ACOT1: variants seen among roughly 807,000 people sequenced by gnomAD.
ACOT1 encodes acyl-coenzyme A thioesterase 1.
ACOT1 carries 8 observed loss-of-function variants against 15.7 expected under a neutral mutation model. That is an observed-to-expected ratio of 0.51 (90% CI 0.30 to 0.92). The LOEUF is 0.92. Among genes scored for constraint, ACOT1 ranks in the 40% least tolerant of loss-of-function variants. The pLI is 0.06. For synonymous variants in ACOT1, 67 were observed against 241.2 expected, an observed-to-expected ratio of 0.28 and a Z score of 6.69; for missense variants, 151 against 539.4, an observed-to-expected ratio of 0.28 and a Z score of 7.13.
Position 73,537,643 on chromosome 14 carries a change from G to A in ACOT1, c.222G>A (p.Gly74=). ...RAPALGGSFA[G]LEPMGLLWAL... is the part of the protein sequence containing the mutation. ...CCGCGCTGGGCGGCAGCTTCGCGGG[G>A]CTTGAGCCCATGGGGCTGCTCTGGG... Residue 74 remains glycine, a synonymous_variant, in exon 1 of 3, where the codon GGG becomes GGA. Coordinates refer to ENST00000311148, the MANE Select transcript of ACOT1 (RefSeq NM_001037161.2). 3.2e-6 allele frequency: 4 copies of A among 1,231,122 alleles called. 1 individual carries two copies. Among genetic ancestry groups the A allele is most frequent in the South Asian group, 1.4e-5 (1 of 71,074 alleles). 76.3% of individuals were successfully genotyped at this position (1,231,122 alleles called of 1,614,324 possible).
the ACOT1 span, chr14:73,498,219 C>G: frequency 6.2e-7 from 1 of 1,614,074 alleles, no homozygotes; most frequent in Admixed American, 1.7e-5. Flanking sequence ...ACCCGGTCCC[C>G]TTGAAGTTTC....
At chr14:73,496,516 A>T in the ACOT1 span, 31 of 778,060 alleles carry the variant, frequency 4.0e-5, no homozygotes, top group East Asian at 7.4e-5. Flanking sequence ...GAAAAAGGGT[A>T]TGTACATGTT....
the ACOT1 span, among the ~76,000 whole-genome samples, chr14:73,506,768 A>G: frequency 6.8e-6 from 1 of 146,144 alleles, no homozygotes; most frequent in Non-Finnish European, 1.5e-5. Context: ...AATAACTTAA[A>G]CAGAAAACTG....
chr14:73,523,034 C>T, the ACOT1 span: 3 of 1,614,204 alleles, frequency 1.9e-6, no homozygotes, highest in Admixed American at 5.0e-5. Context: ...GACAGAGGCA[C>T]ACTCCTCCTT....
chr14:73,509,281 T>C, the ACOT1 span: 1 of 1,605,142 alleles, frequency 6.2e-7, no homozygotes, highest in East Asian at 2.2e-5. Flanking sequence ...ATCCCATATT[T>C]CCAGGTCAGA....
At chr14:73,509,481 C>G in the ACOT1 span, 4 of 1,613,314 alleles carry the variant, frequency 2.5e-6, no homozygotes, top group Non-Finnish European at 2.5e-6. Flanking sequence ...TGTCTGTGAT[C>G]AAAAGAGCCA....
the ACOT1 span, chr14:73,492,999 C>CCT: frequency 2.1e-6 from 3 of 1,460,630 alleles, no homozygotes; most frequent in African/African-American, 1.5e-5. The surrounding 1 kb of genome is among the most constrained non-coding windows in gnomAD (Gnocchi z 4.9). Flanking sequence ...CCACTGCTAC[C>CCT]TTTTTTTTTT....
At chr14:73,519,260 G>T in the ACOT1 span, 3 of 1,297,596 alleles carry the variant, frequency 2.3e-6, no homozygotes, top group Non-Finnish European at 3.2e-6. Context: ...ACTTCCTTTT[G>T]CCCTAATCTA....
chr14:73,512,089 TC>T, the ACOT1 span: 1 of 1,614,174 alleles, frequency 6.2e-7, no homozygotes, highest in African/African-American at 1.3e-5. Flanking sequence ...CCGAACGTCA[TC>T]ATGCAGGTCT....
chr14:73,493,246 G>A, the ACOT1 span: 13 of 775,158 alleles, frequency 1.7e-5, no homozygotes, highest in South Asian at 1.2e-4. Context: ...TGACCATGTC[G>A]TTCTGCTTGA....
upstream of ACOT1, among the ~76,000 whole-genome samples, chr14:73,534,942 C>T (rs1425613926): frequency 3.3e-4 from 37 of 112,006 alleles, 11 homozygotes; most frequent in African/African-American, 1.1e-3. Context: ...CCACTGCATT[C>T]AGCTACTGGG....
chr14:73,528,279 C>T, the ACOT1 span, among the ~76,000 whole-genome samples: 6,615 of 150,998 alleles, frequency 0.044, 184 homozygotes, highest in Middle Eastern at 0.088. Context: ...TCCGTAATCC[C>T]AGCTACTCAG....
chr14:73,494,542 A>G, the ACOT1 span, among the ~76,000 whole-genome samples: 1 of 151,982 alleles, frequency 6.6e-6, no homozygotes, highest in Admixed American at 6.6e-5. Context: ...GACAAGCACT[A>G]TTTTTTGTTT....
At chr14:73,513,259 G>A in the ACOT1 span, among the ~76,000 whole-genome samples, 1 of 152,168 alleles carries the variant, frequency 6.6e-6, no homozygotes, top group Non-Finnish European at 1.5e-5. Context: ...AGGAGTTCGA[G>A]ACCAGCCTGG....
rs370388799 is a variant in ACOT1 at position 73,543,196 on chromosome 14, C to T, written c.807C>T (p.Gly269=). The change falls in exon 3 of 3, where the codon GGC becomes GGT. Residue 269 remains glycine, a synonymous_variant. Transcript: ENST00000311148. ...ANVGGTLRYK[G]ETLPPVGVNR... ...TTGGGGGAACCTTACGCTACAAGGG[C>T]GAGACCCTGCCCCCTGTGGGCGTCA... is the stretch of plus-strand genomic sequence containing the variant. The T allele has an allele frequency of 9.2e-5, 147 of 1,605,010 alleles. 8 individuals are homozygous for T. The highest frequency in any genetic ancestry group is 3.4e-4 in the East Asian group (15 of 44,256).
At chr14:73,508,514 C>T in the ACOT1 span, among the ~76,000 whole-genome samples, 1 of 152,058 alleles carries the variant, frequency 6.6e-6, no homozygotes, top group Admixed American at 6.5e-5. Flanking sequence ...TTTGGGAGGC[C>T]AAGGTGGGCG....
the ACOT1 span, chr14:73,506,570 G>A: frequency 6.2e-7 from 1 of 1,611,166 alleles, no homozygotes; most frequent in East Asian, 2.2e-5. Context: ...GTGTATCAGG[G>A]TCTGAGGAAA....
chr14:73,509,869 T>TA, the ACOT1 span, among the ~76,000 whole-genome samples: 36 of 82,504 alleles, frequency 4.4e-4, 4 homozygotes, highest in Non-Finnish European at 6.2e-4. Flanking sequence ...TATATATATA[T>TA]TTATTTATTT....
At chr14:73,540,156 C>A (rs1368448131) in intron 1 of ACOT1, among the ~76,000 whole-genome samples, 1 of 141,724 alleles carries the variant, frequency 7.1e-6, no homozygotes, top group Admixed American at 7.4e-5. Context: ...AAGGAGTCAA[C>A]ATATTCATCT....
Sources: allele counts gnomAD v4.1 joint callset (sites outside exome capture counted in the v4.1 genomes callset), GRCh38; gene constraint gnomAD v4.1.1; non-coding constraint Gnocchi (gnomAD v3.1); transcripts MANE v1.5; gene names NCBI Gene and HGNC (gene_info 2026-07-23, HGNC 2026-07-21).